Variants in TBXT observed in about 807,000 individuals in gnomAD.
The protein encoded by TBXT is T brachyury transcription factor.
In TBXT, 19 loss-of-function variants were observed where a neutral mutation model predicts 41.1. That is an observed-to-expected ratio of 0.46 (90% confidence interval 0.32 to 0.68). TBXT has a LOEUF of 0.68. Among genes scored for constraint, TBXT ranks in the 30% least tolerant of loss-of-function variants. The pLI is 0.03. For synonymous variants in TBXT, 213 were observed against 238.9 expected (o/e 0.89, Z 1.00); for missense variants, 536 against 582.0 (o/e 0.92, Z 0.81).
At chr6:166,166,526 C>A (rs2128523358) in intron 2 of TBXT, 66 bp downstream of exon 2, 1 of 1,610,006 alleles carries the variant, frequency 6.2e-7, no homozygotes, top group South Asian at 1.1e-5. Flanking sequence ...CCACAACCCC[C>A]GTGCAGAAGG....
chr6:166,162,664 C>T (rs1778995932), intron 5 of TBXT, 41 bp from the exon 6 acceptor site: 2 of 1,548,584 alleles, frequency 1.3e-6, no homozygotes, highest in East Asian at 4.7e-5. Context: ...CATTAGTGCT[C>T]CCTCCATCTC....
chr6:166,159,431 A>G (rs1177204616), intron 7 of TBXT, among the ~76,000 whole-genome samples: 1 of 152,116 alleles, frequency 6.6e-6, no homozygotes, highest in Non-Finnish European at 1.5e-5. Flanking sequence ...CCTGTTCAGT[A>G]CATAGGTGTG....
rs566936843 is a variant in TBXT at position 166,162,637 on chromosome 6, C to T, written c.731-14G>A. On this transcript the variant is annotated splice_polypyrimidine_tract_variant and intron_variant, in intron 5 of 7. Coordinates refer to ENST00000366876, the MANE Select transcript of TBXT (RefSeq NM_001366285.2). Reference sequence around the variant, plus strand: ...GCCACCCCCCTGCTGTGAGAAAAGACAGTGCTGAGTAACCTGCATTAGTGC... The same window carrying T: ...GCCACCCCCCTGCTGTGAGAAAAGATAGTGCTGAGTAACCTGCATTAGTGC... 6.2e-7 allele frequency: 1 copy of T among 1,603,682 alleles called. No individual in the cohort carries two copies. Among genetic ancestry groups the T allele is most frequent in the African/African-American group, 1.3e-5 (1 of 74,828 alleles).
Position 166,166,575 on chromosome 6 carries a change from G to A in TBXT, c.471+17C>T. Reference sequence around the variant, plus strand: ...CCTCCTCGCTGGTCCCAGACCTGGCGGGCTCCTCACACCTACCTGGCCCCC... The same window carrying A: ...CCTCCTCGCTGGTCCCAGACCTGGCAGGCTCCTCACACCTACCTGGCCCCC... On this transcript the variant is annotated intron_variant, in intron 2 of 7. Coordinates refer to ENST00000366876, the MANE Select transcript of TBXT (RefSeq NM_001366285.2). 2 of 1,613,564 alleles carry A rather than the reference G, an allele frequency of 1.2e-6. No individual in the cohort carries two copies. The highest frequency in any genetic ancestry group is 1.7e-6 in the Non-Finnish European group (2 of 1,179,886).
At position 166,162,511 on chromosome 6, in the gene TBXT, T is replaced by G. The variant is rs1037672665; in HGVS notation, c.843A>C (p.Pro281=). 1 of 1,614,086 alleles carries G rather than the reference T, an allele frequency of 6.2e-7. No individual in the cohort carries two copies. The highest frequency in any genetic ancestry group is 2.2e-5 in the East Asian group (1 of 44,872). The change falls in exon 6 of 8, where the codon CCA becomes CCC. Residue 281 remains proline (P), a synonymous_variant. Transcript: ENST00000366876. ...GTGAGGACCGGTGGCTCCTCAGGGT[T>G]GGGTACCTGTCACAGCTGTGCGTGG... is the stretch of plus-strand genomic sequence containing the variant. ...LPSTHSCDRY[P]TLRSHRSSPY...
At chr6:166,168,282 C>T (rs1779207905), upstream of TBXT, 1 of 152,300 alleles carries the variant, frequency 6.6e-6, no homozygotes, top group South Asian at 2.1e-4. Context: ...CCCAGCGCGC[C>T]CGGATCCCGC....
chr6:166,162,865 A>C (rs1161795483), intron 5 of TBXT, among the ~76,000 whole-genome samples: 1 of 152,078 alleles, frequency 6.6e-6, no homozygotes, highest in Non-Finnish European at 1.5e-5. Flanking sequence ...AGCCCAGGCC[A>C]GTGACTTCCC....
chr6:166,167,343 C>T (rs372468805), intron 1 of TBXT, 43 bp downstream of exon 1: 4 of 1,608,770 alleles, frequency 2.5e-6, no homozygotes, highest in East Asian at 2.2e-5. Context: ...GCTGCCCAGG[C>T]GCTGGAGAGC....
intron 3 of TBXT, 43 bp downstream of exon 3, chr6:166,165,663 A>C (rs1582969754): frequency 1.9e-6 from 3 of 1,612,660 alleles, no homozygotes; most frequent in South Asian, 1.1e-5. Flanking sequence ...AGCACACCAC[A>C]CCGCAGCACA....
In TBXT at chr6:166,158,543, C is replaced by T. The variant is rs745320047; in HGVS notation, c.1083G>A (p.Pro361=). The T allele has an allele frequency of 1.5e-5, 24 of 1,596,296 alleles. No individual in the cohort carries two copies. The highest frequency in any genetic ancestry group is 5.1e-5 in the Admixed American group (3 of 58,926). Residue 361 remains proline (P), a synonymous_variant, in exon 8 of 8, where the codon CCG becomes CCA. Transcript: ENST00000366876. ...LWSVSNGAVT[P]GSQAAAVSNG... is the part of the protein sequence containing the mutation. Reference sequence around the variant, plus strand: ...TGGACACGGCTGCTGCCTGGGAGCCCGGGGTGACGGCGCCGTTGCTCACAG... The same window carrying T: ...TGGACACGGCTGCTGCCTGGGAGCCTGGGGTGACGGCGCCGTTGCTCACAG...
intron 3 of TBXT, 28 bp downstream of exon 3, chr6:166,165,678 G>A (rs754798528): frequency 2.8e-5 from 45 of 1,613,148 alleles, no homozygotes; most frequent in Non-Finnish European, 3.5e-5. Context: ...AGCACACCGG[G>A]AAAGCGATCC....
chr6:166,160,720 C>A, intron 7 of TBXT, 117 bp downstream of exon 7: 1 of 1,465,616 alleles, frequency 6.8e-7, no homozygotes, highest in East Asian at 2.3e-5. Flanking sequence ...AATAAAGACC[C>A]AACCACCCAC....
In TBXT at chr6:166,162,451, A is replaced by T. The variant is rs746736950; in HGVS notation, c.903T>A (p.Ser301=). ...YPSPYAHRNN[S]PTYSDNSPAC... The stretch of plus-strand genomic sequence containing the variant: ...AGAATGAGGCTGAGGACTCACTTGG[A>T]GAATTGTTCCGATGAGCATAGGGGC... The change falls in exon 6 of 8, where the codon TCT becomes TCA. Residue 301 remains serine, a synonymous_variant. Coordinates refer to ENST00000366876, the MANE Select transcript of TBXT (RefSeq NM_001366285.2). 2.5e-6 allele frequency: 4 copies of T among 1,614,078 alleles called. No homozygotes were observed. Among genetic ancestry groups the T allele is most frequent in the Non-Finnish European group, 2.5e-6 (3 of 1,180,006 alleles).
intron 6 of TBXT, among the ~76,000 whole-genome samples, chr6:166,161,831 G>A (rs1778964586): frequency 6.6e-6 from 1 of 152,278 alleles, no homozygotes. Flanking sequence ...GCTGAGGCAG[G>A]AGAATGGCGT....
upstream of TBXT, chr6:166,168,288 C>T (rs1391160205): frequency 6.6e-6 from 1 of 152,116 alleles, no homozygotes; most frequent in Admixed American, 6.5e-5. Context: ...GCGCCCGGAT[C>T]CCGCAGCCGC....
In TBXT at chr6:166,167,584, G is replaced by C; in HGVS notation, c.8C>G (p.Ser3Cys). The change falls in exon 1 of 8, where the codon TCC becomes TGC. Residue 3 changes from serine to cysteine, a missense_variant. Physicochemically the swap from Ser to Cys is moderately radical, Grantham distance 112. Coordinates refer to ENST00000366876, the MANE Select transcript of TBXT (RefSeq NM_001366285.2). ...CTTTCCCGCGCTCTCGGTGCCAGGG[G>C]AGCTCATCCTCCCGTCCGGCTCCCC... MS[S>C]PGTESAGKSL... is the part of the protein sequence containing the mutation. 4.5e-6 allele frequency: 7 copies of C among 1,560,290 alleles called. No homozygotes were observed. The highest frequency in any genetic ancestry group is 6.0e-6 in the Non-Finnish European group (7 of 1,158,828).
intron 7 of TBXT, among the ~76,000 whole-genome samples, chr6:166,158,940 A>G (rs560219413): frequency 1.2e-4 from 18 of 152,342 alleles, no homozygotes; most frequent in African/African-American, 4.1e-4. Flanking sequence ...TGGGAGGCCA[A>G]GGCAGGTGGA....
At chr6:166,168,115 C>T (rs1354139279), upstream of TBXT, among the ~76,000 whole-genome samples, 1 of 152,046 alleles carries the variant, frequency 6.6e-6, no homozygotes, top group Non-Finnish European at 1.5e-5. Context: ...AATGTTTGCA[C>T]CTCCATCAAA....
chr6:166,162,257 C>T (rs1231116085), intron 6 of TBXT, among the ~76,000 whole-genome samples, 190 bp downstream of exon 6: 2 of 152,248 alleles, frequency 1.3e-5, no homozygotes, highest in Non-Finnish European at 2.9e-5. Context: ...CGTGGTTGTT[C>T]CGCCAGCAGC....
Sources: allele counts gnomAD v4.1 joint callset (sites outside exome capture counted in the v4.1 genomes callset), GRCh38; gene constraint gnomAD v4.1.1; transcripts MANE v1.5; gene names NCBI Gene and HGNC (gene_info 2026-07-23, HGNC 2026-07-21).